The following TTYH1 variants were observed in gnomAD, a reference collection of about 807,000 sequenced individuals.
TTYH1 encodes tweety family member 1.
In TTYH1, 33 loss-of-function variants were observed where a neutral mutation model predicts 61.2. That is an observed-to-expected ratio of 0.54 (90% CI 0.41 to 0.72). TTYH1 has a LOEUF of 0.72. TTYH1 is among the 30% of genes least tolerant of loss of function. The probability of loss-of-function intolerance (pLI) is 0.00; values close to 1 mark genes in which losing one functional copy is unlikely to be tolerated. For synonymous variants in TTYH1, 308 were observed against 266.4 expected, an observed-to-expected ratio of 1.16 and a Z score of -1.52; for missense variants, 538 against 575.8, an observed-to-expected ratio of 0.93 and a Z score of 0.67.
chr19:54,430,485 T>C (rs886446311), intron 7 of TTYH1, 65 bp from the exon 8 acceptor site: 5 of 1,565,866 alleles, frequency 3.2e-6, no homozygotes, highest in Admixed American at 1.7e-5. Context: ...GTGCCCGGCC[T>C]TCCCCCGGGA....
chr19:54,416,755 CCA>C lies in TTYH1; in HGVS notation c.126+1083_126+1084del. The C allele has an allele frequency of 7.7e-7, 1 of 1,292,216 alleles. No homozygotes were observed. Among genetic ancestry groups the C allele is most frequent in the Non-Finnish European group, 1.0e-6 (1 of 988,536 alleles). The allele number at this position is 1,292,216 out of a possible 1,614,324, so 80.0% of individuals were successfully genotyped here. A position where few individuals can be genotyped will look rare whatever the true frequency, so the allele number is the denominator to read the frequency against. On this transcript the variant is annotated intron_variant, in intron 1 of 13. Transcript: ENST00000376530. This position sits in a 1 kb window ranked among gnomAD's most constrained non-coding sequence, Gnocchi z 7.0. The stretch of plus-strand genomic sequence containing the variant: ...GCCTGCTCCTCGCCGCCCCCTCTCC[CCA>C]CACACGGGGACCGCCGTCCCCTCGC...
chr19:54,422,853 C>T (rs1163460062), intron 4 of TTYH1, among the ~76,000 whole-genome samples: 4 of 144,108 alleles, frequency 2.8e-5, no homozygotes, highest in Admixed American at 7.3e-5. Context: ...CCCTTGAACC[C>T]GGGAAATGGA....
At chr19:54,422,602 T>C (rs895745157) in intron 4 of TTYH1, among the ~76,000 whole-genome samples, 192 bp downstream of exon 4, 1 of 151,912 alleles carries the variant, frequency 6.6e-6, no homozygotes, top group Non-Finnish European at 1.5e-5. Context: ...TCCCCACCCA[T>C]TGGCAGGGAA....
intron 4 of TTYH1, among the ~76,000 whole-genome samples, chr19:54,423,271 C>T (rs1437098173): frequency 6.6e-6 from 1 of 150,420 alleles, no homozygotes; most frequent in Non-Finnish European, 1.5e-5. Flanking sequence ...GATCTCGACT[C>T]ACTGCAACCT....
rs2083064168 is a variant in TTYH1, at chr19:54,415,757, C to T, written c.126+79C>T. 7.4e-7 allele frequency: 1 copy of T among 1,347,870 alleles called. No individual in the cohort carries two copies. Among genetic ancestry groups the T allele is most frequent in the Non-Finnish European group, 9.7e-7 (1 of 1,028,934 alleles). 83.5% of individuals were successfully genotyped at this position (1,347,870 alleles called of 1,614,324 possible). Reference sequence around the variant, plus strand: ...GTCCCGAGGGAGAAGGGGGCTGGGTCACAGATTTCCTGAGCTCCGCCGGAG... The same window carrying T: ...GTCCCGAGGGAGAAGGGGGCTGGGTTACAGATTTCCTGAGCTCCGCCGGAG... On this transcript the variant is annotated intron_variant, in intron 1 of 13. Transcript: ENST00000376530. This position sits in a 1 kb window ranked among gnomAD's most constrained non-coding sequence, Gnocchi z 5.2.
chr19:54,422,286 G>T lies in TTYH1; in HGVS notation c.514G>T (p.Ala172Ser), dbSNP rs1043754346. 6.4e-7 allele frequency: 1 copy of T among 1,567,008 alleles called. No individual in the cohort carries two copies. The highest frequency in any genetic ancestry group is 8.6e-7 in the Non-Finnish European group (1 of 1,156,484). Residue 172 changes from alanine to serine, a missense_variant, in exon 4 of 14, where the codon GCC (alanine) becomes TCC (serine). By Grantham distance (99) the Ala-to-Ser change is moderately conservative. This residue lies in a region of TTYH1 where 378 missense variants were observed against 401.2 expected (regional missense o/e 0.94). Transcript: ENST00000376530. Reference protein sequence around the residue: ...LEPRTELVAAARGARRQAEAA... With the variant: ...LEPRTELVAASRGARRQAEAA... ...GCCGCGCACGGAGCTGGTGGCTGCC[G>T]CCCGAGGGGCTCGACGGCAGGCGGA... is the stretch of plus-strand genomic sequence containing the variant.
In TTYH1 at chr19:54,431,428, C is replaced by G. The variant is rs987959691; in HGVS notation, c.1125+237C>G. ...CTCCTCCCTCCCTTTCCCCCCAACTCCCGCACTCCCCGCTGGGTCCCCATC... is the reference window on the plus strand; with the variant it reads ...CTCCTCCCTCCCTTTCCCCCCAACTGCCGCACTCCCCGCTGGGTCCCCATC... On this transcript the variant is annotated intron_variant, in intron 10 of 13. Coordinates refer to ENST00000376530, the MANE Select transcript of TTYH1 (RefSeq NM_020659.4). 3 of 546,436 alleles carry G rather than the reference C, an allele frequency of 5.5e-6. No homozygotes were observed. In the African/African-American group the frequency reaches 5.9e-5, roughly 11 times the overall value. The allele number at this position is 546,436 out of a possible 1,614,324, so 33.8% of individuals were successfully genotyped here. A position where few individuals can be genotyped will look rare whatever the true frequency, so the allele number is the denominator to read the frequency against.
intron 7 of TTYH1, among the ~76,000 whole-genome samples, 167 bp downstream of exon 7, chr19:54,430,124 C>CGGAGCCCTCCT (rs1311242305): frequency 6.6e-6 from 1 of 152,136 alleles, no homozygotes; most frequent in Non-Finnish European, 1.5e-5. Flanking sequence ...CTCCCCAGCT[C>CGGAGCCCTCCT]GGAGCCCTCC....
Position 54,431,115 on chromosome 19 carries a change from T to G in TTYH1, c.1049T>G (p.Leu350Trp), listed in dbSNP as rs999233551. Residue 350 changes from leucine to tryptophan, a missense_variant, in exon 10 of 14, where the codon TTG becomes TGG. This residue lies in a region of TTYH1 where 378 missense variants were observed against 401.2 expected (regional missense o/e 0.94). Transcript: ENST00000376530. Reference sequence around the variant, plus strand: ...GCCCCGCAGAAGCCTCTGCTGTCCTTGGAGGAGACTCTGAATGTGACAGAA... The same window carrying G: ...GCCCCGCAGAAGCCTCTGCTGTCCTGGGAGGAGACTCTGAATGTGACAGAA... ...FPSAQKPLLS[L>W]EETLNVTEGN... 7 of 1,613,628 alleles carry G rather than the reference T, an allele frequency of 4.3e-6. No individual in the cohort carries two copies. The highest frequency in any genetic ancestry group is 5.9e-6 in the Non-Finnish European group (7 of 1,179,546).
chr19:54,425,029 T>A (rs2083294945), intron 4 of TTYH1, among the ~76,000 whole-genome samples: 1 of 152,164 alleles, frequency 6.6e-6, no homozygotes, highest in Non-Finnish European at 1.5e-5. Context: ...GCGGTGAGTG[T>A]TTTAGCTCTA....
In TTYH1 at chr19:54,431,096, C is replaced by A; in HGVS notation, c.1033-3C>A. On this transcript the variant is annotated splice_polypyrimidine_tract_variant and splice_region_variant and intron_variant, in intron 9 of 13. Transcript: ENST00000376530. ...GGGAAAACGACCCCTCCTCGCCCCGCAGAAGCCTCTGCTGTCCTTGGAGGA... is the reference window on the plus strand; with the variant it reads ...GGGAAAACGACCCCTCCTCGCCCCGAAGAAGCCTCTGCTGTCCTTGGAGGA... The A allele has an allele frequency of 6.2e-7, 1 of 1,611,950 alleles. No homozygotes were observed. The highest frequency in any genetic ancestry group is 8.5e-7 in the Non-Finnish European group (1 of 1,178,058).
intron 8 of TTYH1, 45 bp from the exon 9 acceptor site, chr19:54,430,768 G>A (rs767665395): frequency 1.5e-5 from 24 of 1,598,472 alleles, no homozygotes; most frequent in Non-Finnish European, 1.7e-5. Flanking sequence ...GAGGGCCGGG[G>A]GCGTATACTC....
Position 54,426,670 on chromosome 19 carries a change from C to T in TTYH1, c.639-3C>T. The stretch of plus-strand genomic sequence containing the variant: ...GTTTCAGCCCTACCCTCTCCCCTCC[C>T]AGGTGGCTGGCCTACGTCCTCCTGC... On this transcript the variant is annotated splice_region_variant and splice_polypyrimidine_tract_variant and intron_variant, in intron 4 of 13. Coordinates refer to ENST00000376530, the MANE Select transcript of TTYH1 (RefSeq NM_020659.4). 6.2e-7 allele frequency: 1 copy of T among 1,613,438 alleles called. No individual in the cohort carries two copies. The highest frequency in any genetic ancestry group is 8.5e-7 in the Non-Finnish European group (1 of 1,179,684).
rs369421646 is a variant in TTYH1 at position 54,435,662 on chromosome 19, G to C, written c.1246G>C (p.Ala416Pro). Residue 416 changes from alanine to proline, a missense_variant, in exon 11 of 14, where the codon GCC becomes CCC. By Grantham distance (27) the Ala-to-Pro change is conservative. Coordinates refer to ENST00000376530, the MANE Select transcript of TTYH1 (RefSeq NM_020659.4). ...LATALCSLPR[A>P]WALFPPSDDY... ...CACTGCCCTCTGCAGCCTGCCCCGA[G>C]CCTGGGCCCTCTTCCCACCCAGGTC... The C allele has an allele frequency of 6.2e-7, 1 of 1,610,534 alleles. No individual in the cohort carries two copies. The highest frequency in any genetic ancestry group is 8.5e-7 in the Non-Finnish European group (1 of 1,178,622).
chr19:54,424,148 G>A (rs984229578), intron 4 of TTYH1, among the ~76,000 whole-genome samples: 8 of 151,532 alleles, frequency 5.3e-5, no homozygotes, highest in Non-Finnish European at 8.8e-5. Context: ...GTGACGGAGC[G>A]AGAATCCGTC....
intron 4 of TTYH1, 76 bp downstream of exon 4, chr19:54,422,486 T>A: frequency 2.3e-6 from 3 of 1,318,808 alleles, no homozygotes; most frequent in Non-Finnish European, 3.1e-6. Flanking sequence ...TGGCAATGCC[T>A]GGAGGCAGTT....
chr19:54,436,608 C>G lies in TTYH1; in HGVS notation c.*318C>G. ...AAGCTGGGGGTGGGGGACATGAGTCCCCCTGCTGCCCCTGCCACATCCCAG... is the reference window on the plus strand; with the variant it reads ...AAGCTGGGGGTGGGGGACATGAGTCGCCCTGCTGCCCCTGCCACATCCCAG... On this transcript the variant is annotated 3_prime_UTR_variant, in exon 14 of 14. Transcript: ENST00000376530. This position sits in a 1 kb window ranked among gnomAD's most constrained non-coding sequence, Gnocchi z 4.3. 6.9e-6 allele frequency: 4 copies of G among 583,544 alleles called. No homozygotes were observed. 36.1% of individuals were successfully genotyped at this position (583,544 alleles called of 1,614,324 possible). A position where few individuals can be genotyped will look rare whatever the true frequency, so the allele number is the denominator to read the frequency against.
At chr19:54,428,295 G>C (rs892643388) in intron 5 of TTYH1, among the ~76,000 whole-genome samples, 9 of 151,700 alleles carry the variant, frequency 5.9e-5, no homozygotes, top group African/African-American at 1.9e-4. Context: ...CTCCATGTTG[G>C]TCAGGATGGT....
chr19:54,427,618 C>CAACAAA (rs1376863825), intron 5 of TTYH1, among the ~76,000 whole-genome samples: 35 of 140,198 alleles, frequency 2.5e-4, no homozygotes, highest in East Asian at 4.0e-4. Context: ...ACAACAACAA[C>CAACAAA]AAAAAAAAAA....
Sources: gnomAD v4.1 joint callset for allele counts (sites outside exome capture counted in the v4.1 genomes callset) on GRCh38, gnomAD v4.1.1 for gene constraint, gnomAD v4.1.1 regional missense constraint, Gnocchi (gnomAD v3.1) non-coding constraint, MANE v1.5 for transcripts, NCBI Gene and HGNC (gene_info 2026-07-23, HGNC 2026-07-21) for gene names.